Variants in CUBN observed in about 807,000 individuals in gnomAD.
CUBN encodes 460 kDa receptor.
A neutral mutation model predicts 405.3 loss-of-function variants in CUBN; 282 were observed. The ratio of observed to expected loss-of-function variants is 0.70; its 90% CI spans 0.63 to 0.77. The LOEUF is 0.77. Ranked by LOEUF, CUBN falls within the 30% of genes least tolerant of loss-of-function variation. The pLI, the probability that CUBN is intolerant of heterozygous loss-of-function variation, is 0.00. For synonymous variants in CUBN, 1,684 were observed against 1,617.0 expected (o/e 1.04, Z -0.99); for missense variants, 4,514 against 4,475.2 (o/e 1.01, Z -0.25).
At chr10:17,046,551 C>T (rs1835137776) in intron 23 of CUBN, among the ~76,000 whole-genome samples, 1 of 152,000 alleles carries the variant, frequency 6.6e-6, no homozygotes, top group Admixed American at 6.6e-5. Context: ...CTGGAAATAG[C>T]ATTTTCCTAA....
intron 27 of CUBN, among the ~76,000 whole-genome samples, chr10:17,024,852 C>T (rs1421215318): frequency 1.3e-5 from 2 of 152,118 alleles, no homozygotes; most frequent in African/African-American, 4.8e-5. Flanking sequence ...AAACTCAGCC[C>T]TTTCTGTTTT....
chr10:17,103,230 TC>T lies in CUBN; in HGVS notation c.1424del (p.Gly475GlufsTer7). ...ALCQVPQQVC[G>X]ESLSGINGSF... ...TTCCATTTATTCCTGAGAGGGACTC[TC>T]CACAAACTGCAAAGGAAAAGATGAA... On this transcript the variant is annotated frameshift_variant, in exon 13 of 67. Coordinates refer to ENST00000377833, the MANE Select transcript of CUBN (RefSeq NM_001081.4). LOFTEE classifies it high-confidence loss of function. 1 of 1,602,942 alleles carries T rather than the reference TC, an allele frequency of 6.2e-7. No individual in the cohort carries two copies. Among genetic ancestry groups the T allele is most frequent in the Non-Finnish European group, 8.5e-7 (1 of 1,169,878 alleles).
chr10:17,121,082 G>T (rs10795449), intron 6 of CUBN, among the ~76,000 whole-genome samples: 86,614 of 152,020 alleles, frequency 0.57, 25,598 homozygotes, highest in East Asian at 0.67. Flanking sequence ...GGGAAAAAAG[G>T]CTTCATTTAA....
intron 59 of CUBN, among the ~76,000 whole-genome samples, chr10:16,855,141 T>G (rs1839836575): frequency 7.1e-6 from 1 of 141,056 alleles, no homozygotes; most frequent in Non-Finnish European, 1.5e-5. Flanking sequence ...GATGAGGACT[T>G]GCTATGATGC....
chr10:17,075,584 G>T (rs1377108235), intron 17 of CUBN, among the ~76,000 whole-genome samples: 9 of 152,190 alleles, frequency 5.9e-5, no homozygotes, highest in Non-Finnish European at 1.2e-4. Context: ...ATCAAAGTCT[G>T]CTCTATAATA....
chr10:17,068,655 G>A lies in CUBN; in HGVS notation c.2741C>T (p.Ser914Phe). 6.2e-7 allele frequency: 1 copy of A among 1,613,052 alleles called. No homozygotes were observed. The highest frequency in any genetic ancestry group is 8.5e-7 in the Non-Finnish European group (1 of 1,179,384). ...CATGAAACCATGGTTTTCAGTAGAA[G>A]AACTTTTCACGAATGTGACATAAAG... ...NFLYVTFVKS[S>F]STENHGFMAK... Residue 914 changes from serine to phenylalanine, a missense_variant, in exon 20 of 67, where the codon TCT (serine) becomes TTT (phenylalanine). By Grantham distance (155) the Ser-to-Phe change is radical. This residue lies in a region of CUBN where 1,448 missense variants were observed against 1,388.0 expected (regional missense o/e 1.04). Coordinates refer to ENST00000377833, the MANE Select transcript of CUBN (RefSeq NM_001081.4).
Position 17,085,597 on chromosome 10 carries a change from A to T in CUBN, c.2110T>A (p.Ser704Thr). ...AGCCCCCAACTGGTAGGTTACTTAC[A>T]AGGTGATGTTAAGTAGGTGATATGG... ...GFHITYLTSP[S>T]DLRCGGNYTD... Residue 704 changes from serine (S) to threonine (T), a missense_variant and splice_region_variant, in exon 16 of 67, where the codon TCG (serine) becomes ACG (threonine). By Grantham distance (58) the Ser-to-Thr change is moderately conservative (BLOSUM62 1). Coordinates refer to ENST00000377833, the MANE Select transcript of CUBN (RefSeq NM_001081.4). 1 of 1,613,730 alleles carries T rather than the reference A, an allele frequency of 6.2e-7. No homozygotes were observed. The highest frequency in any genetic ancestry group is 8.5e-7 in the Non-Finnish European group (1 of 1,179,624).
intron 41 of CUBN, among the ~76,000 whole-genome samples, chr10:16,927,554 GA>G (rs1337111425): frequency 2.6e-5 from 4 of 152,154 alleles, no homozygotes; most frequent in Non-Finnish European, 5.9e-5. Context: ...CAAAACATGA[GA>G]GTCTTTCACT....
At chr10:17,046,205 A>T (rs1835128727) in intron 23 of CUBN, 111 bp from the exon 24 acceptor site, 1 of 949,740 alleles carries the variant, frequency 1.1e-6, no homozygotes, top group Admixed American at 1.9e-5. Flanking sequence ...TATTGGATGA[A>T]GTAATTTCTC....
At chr10:17,048,992 C>G (rs1364635827) in intron 22 of CUBN, among the ~76,000 whole-genome samples, 1 of 152,196 alleles carries the variant, frequency 6.6e-6, no homozygotes, top group Non-Finnish European at 1.5e-5. Flanking sequence ...CAAGGCTTTA[C>G]TTTATTGAAG....
Position 16,897,625 on chromosome 10 carries a change from C to T in CUBN, c.8598+1371G>A, listed in dbSNP as rs911174575. Among the ~76,000 whole-genome samples the T allele has an allele frequency of 5.9e-5, 9 of 152,114 alleles. No homozygotes were observed. In the East Asian group the frequency reaches 1.7e-3, roughly 29 times the overall value. ...CTGGGACCCATTTTTCCAGTCCCAC[C>T]TACCCTGGTGTCTCTGGGTGGGTAA... On this transcript the variant is annotated intron_variant, in intron 54 of 66. Coordinates refer to ENST00000377833, the MANE Select transcript of CUBN (RefSeq NM_001081.4).
chr10:16,944,145 T>C (rs189233468), intron 36 of CUBN, among the ~76,000 whole-genome samples: 3 of 152,314 alleles, frequency 2.0e-5, no homozygotes, highest in Admixed American at 2.0e-4. Flanking sequence ...GTCAATTCCC[T>C]GCCCACCAAA....
Position 17,043,983 on chromosome 10 carries a change from C to T in CUBN, c.3673G>A (p.Val1225Ile), listed in dbSNP as rs1018481040. 3.7e-6 allele frequency: 6 copies of T among 1,611,428 alleles called. No individual in the cohort carries two copies. The highest frequency in any genetic ancestry group is 1.3e-5 in the African/African-American group (1 of 74,570). ...GAGTTGCTACTTGGGCCATCATATA[C>T]CTTTAAGAAAATATTTTGAATGTTA... ...HPNCTLDYLA[V>I]YDGPSSNSHL... Residue 1225 changes from valine to isoleucine, a missense_variant and splice_region_variant, in exon 26 of 67, where the codon GTA (valine) becomes ATA (isoleucine). Val to Ile is a conservative substitution (Grantham distance 29). Around this residue, in one of 5 missense-constraint regions of CUBN, gnomAD observed 242 missense variants for 309.0 expected, o/e 0.78. Coordinates refer to ENST00000377833, the MANE Select transcript of CUBN (RefSeq NM_001081.4).
intron 60 of CUBN, among the ~76,000 whole-genome samples, chr10:16,845,132 A>G (rs1353022898): frequency 6.6e-6 from 1 of 152,190 alleles, no homozygotes; most frequent in Non-Finnish European, 1.5e-5. Flanking sequence ...AAAATCCCAC[A>G]TTTCACCCAG....
chr10:17,060,740 T>C (rs1835488174), intron 22 of CUBN, among the ~76,000 whole-genome samples: 1 of 152,208 alleles, frequency 6.6e-6, no homozygotes, highest in Admixed American at 6.5e-5. Flanking sequence ...CAGAGAGGCT[T>C]GTGAGTTGTC....
chr10:16,913,877 C>T lies in CUBN; in HGVS notation c.7467G>A (p.Arg2489=). ...EWRITAPEGR[R]ITLMFNNLRL... is the part of the protein sequence containing the mutation. Reference sequence around the variant, plus strand: ...TCAGGTTGTTAAACATTAGGGTGATCCGCCTTCCCTCCGGGGCAGTGATTC... The same window carrying T: ...TCAGGTTGTTAAACATTAGGGTGATTCGCCTTCCCTCCGGGGCAGTGATTC... Residue 2489 remains arginine, a synonymous_variant, in exon 48 of 67, where the codon CGG becomes CGA. Coordinates refer to ENST00000377833, the MANE Select transcript of CUBN (RefSeq NM_001081.4). The T allele has an allele frequency of 6.2e-7, 1 of 1,614,080 alleles. No homozygotes were observed. Among genetic ancestry groups the T allele is most frequent in the Non-Finnish European group, 8.5e-7 (1 of 1,180,020 alleles).
At position 16,937,674 on chromosome 10, in the gene CUBN, G is replaced by C. The variant is rs1241419867; in HGVS notation, c.5844C>G (p.Asp1948Glu). 1 of 1,614,064 alleles carries C rather than the reference G, an allele frequency of 6.2e-7. No individual in the cohort carries two copies. Among genetic ancestry groups the C allele is most frequent in the East Asian group, 2.2e-5 (1 of 44,868 alleles). Residue 1948 changes from aspartate to glutamate, a missense_variant, in exon 39 of 67, where the codon GAC (aspartate) becomes GAG (glutamate). Coordinates refer to ENST00000377833, the MANE Select transcript of CUBN (RefSeq NM_001081.4). ...GGAATCCCTTCCCTGAGATTGAAGAGTCGGAGTAAAAATGAAATGTCAAAG... is the reference window on the plus strand; with the variant it reads ...GGAATCCCTTCCCTGAGATTGAAGACTCGGAGTAAAAATGAAATGTCAAAG... ...GNSLTFHFYS[D>E]SSISGKGFLL...
intron 12 of CUBN, among the ~76,000 whole-genome samples, chr10:17,104,162 A>G (rs1008016437): frequency 7.9e-5 from 12 of 152,214 alleles, no homozygotes; most frequent in African/African-American, 2.9e-4. Flanking sequence ...AGCATGTTTT[A>G]TATTCAAAAA....
At chr10:17,095,784 T>C (rs1454219094) in intron 14 of CUBN, among the ~76,000 whole-genome samples, 2 of 152,274 alleles carry the variant, frequency 1.3e-5, no homozygotes, top group East Asian at 3.9e-4. Context: ...AAGAGCTATC[T>C]GCACTTTCAT....
Sources: allele counts gnomAD v4.1 joint callset (sites outside exome capture counted in the v4.1 genomes callset), GRCh38; gene constraint gnomAD v4.1.1; regional missense constraint gnomAD v4.1.1; transcripts MANE v1.5; gene names NCBI Gene and HGNC (gene_info 2026-07-23, HGNC 2026-07-21).